Variants in GALNTL6 observed in about 807,000 individuals in gnomAD.
GALNTL6 encodes polypeptide N-acetylgalactosaminyltransferase like 6.
A neutral mutation model predicts 73.7 loss-of-function variants in GALNTL6; 46 were observed. The ratio of observed to expected loss-of-function variants is 0.62; its 90% CI spans 0.49 to 0.80. The LOEUF (loss-of-function observed/expected upper bound fraction) is 0.80, where lower values mean the gene tolerates loss of function less well. GALNTL6 is among the 30% of genes least tolerant of loss of function. GALNTL6 has a pLI of 0.00. For synonymous variants in GALNTL6, 259 were observed against 263.7 expected (o/e 0.98, Z 0.17); for missense variants, 604 against 755.0 (o/e 0.80, Z 2.34).
At chr4:172,609,603 C>T (rs933330050) in intron 5 of GALNTL6, among the ~76,000 whole-genome samples, 61 of 94,684 alleles carry the variant, frequency 6.4e-4, no homozygotes, top group African/African-American at 2.1e-3. Flanking sequence ...CTGAAGTTTT[C>T]TCTCTCTCTC....
At chr4:172,630,374 T>A (rs1739341856) in intron 5 of GALNTL6, among the ~76,000 whole-genome samples, 1 of 152,120 alleles carries the variant, frequency 6.6e-6, no homozygotes, top group African/African-American at 2.4e-5. Context: ...TTAATATACA[T>A]TTTATCTTTT....
intron 3 of GALNTL6, among the ~76,000 whole-genome samples, chr4:172,270,605 G>T (rs568188807): frequency 6.6e-6 from 1 of 152,080 alleles, no homozygotes; most frequent in African/African-American, 2.4e-5. Context: ...AAGCACTTTC[G>T]TAGACTCAGA....
chr4:172,258,085 T>C (rs1030680583), intron 3 of GALNTL6, among the ~76,000 whole-genome samples: 1 of 151,318 alleles, frequency 6.6e-6, no homozygotes, highest in Non-Finnish European at 1.5e-5. Context: ...TCATTTTAGC[T>C]CTGAATCAAT....
chr4:172,243,134 G>A (rs968077490), intron 3 of GALNTL6, among the ~76,000 whole-genome samples: 1 of 152,132 alleles, frequency 6.6e-6, no homozygotes, highest in Non-Finnish European at 1.5e-5. Flanking sequence ...GGCCACAATA[G>A]CCTCCTTGTT....
At chr4:172,830,839 G>T (rs1742585588) in intron 7 of GALNTL6, among the ~76,000 whole-genome samples, 1 of 152,092 alleles carries the variant, frequency 6.6e-6, no homozygotes, top group Admixed American at 6.5e-5. Context: ...AATGTCTGGG[G>T]CCTAAAGTAG....
chr4:172,381,270 A>G lies in GALNTL6; in HGVS notation c.553+32581A>G, dbSNP rs571573481. On this transcript the variant is annotated intron_variant, in intron 5 of 12. Coordinates refer to ENST00000506823, the MANE Select transcript of GALNTL6 (RefSeq NM_001034845.3). ...TTTTTGTAATGAAAGGCTTATTGGT[A>G]TATAATTCACCTAGCATGAAATTGA... Among the ~76,000 whole-genome samples the G allele has an allele frequency of 1.2e-4, 18 of 152,348 alleles. No homozygotes were observed. In the South Asian group the frequency reaches 2.1e-3, roughly 18 times the overall value.
rs1481794232 is a variant in GALNTL6 at position 173,026,008 on chromosome 4, C to T, written c.1638+4383C>T. Among the ~76,000 whole-genome samples, 11 of 152,178 alleles carry T rather than the reference C, an allele frequency of 7.2e-5. No homozygotes were observed. The East Asian group carries it at 1.9e-3, about 27-fold the overall frequency. On this transcript the variant is annotated intron_variant, in intron 12 of 12. Transcript: ENST00000506823. The stretch of plus-strand genomic sequence containing the variant: ...TAATATACCACATCATTAAAGCAAT[C>T]TCTCCTAGGCAATATTGACAGTTGT...
chr4:172,625,020 T>G (rs1181714103), intron 5 of GALNTL6, among the ~76,000 whole-genome samples: 2 of 151,992 alleles, frequency 1.3e-5, no homozygotes, highest in Admixed American at 1.3e-4. Flanking sequence ...TTTCGTTGAT[T>G]CTTTGTATGG....
At chr4:172,000,842 T>C (rs1015364234) in intron 2 of GALNTL6, among the ~76,000 whole-genome samples, 1 of 152,072 alleles carries the variant, frequency 6.6e-6, no homozygotes, top group South Asian at 2.1e-4. Flanking sequence ...TTGTGTAGCA[T>C]AGGTAGAGAA....
At chr4:172,113,841 A>G (rs1732920031) in intron 2 of GALNTL6, among the ~76,000 whole-genome samples, 1 of 152,052 alleles carries the variant, frequency 6.6e-6, no homozygotes, top group African/African-American at 2.4e-5. Flanking sequence ...CTGTGTGTTG[A>G]GCTTAACTTG....
chr4:172,354,147 G>T (rs1376125467), intron 5 of GALNTL6, among the ~76,000 whole-genome samples: 1 of 151,972 alleles, frequency 6.6e-6, no homozygotes, highest in Non-Finnish European at 1.5e-5. Context: ...TTTTAGTGCT[G>T]GTATTCCATC....
chr4:171,872,795 C>A (rs1277919949), intron 2 of GALNTL6, among the ~76,000 whole-genome samples: 1 of 152,064 alleles, frequency 6.6e-6, no homozygotes, highest in Non-Finnish European at 1.5e-5. Flanking sequence ...ACTTGAATAC[C>A]TTTGTAAAGG....
intron 7 of GALNTL6, among the ~76,000 whole-genome samples, chr4:172,826,202 G>T (rs1402293715): frequency 6.6e-6 from 1 of 152,128 alleles, no homozygotes; most frequent in Non-Finnish European, 1.5e-5. Context: ...TATAAACTGA[G>T]CTAGCAAACT....
chr4:171,863,694 G>A (rs75468545), intron 2 of GALNTL6, among the ~76,000 whole-genome samples: 4,828 of 151,986 alleles, frequency 0.032, 220 homozygotes, highest in African/African-American at 0.11. Flanking sequence ...GTCCTCCAGA[G>A]TGAAAACTCC....
In GALNTL6 at chr4:171,960,346, G is replaced by T. The variant is rs575658001; in HGVS notation, c.138+145628G>T. ...GGCTAGAGTGCAATGGCATGATCTC[G>T]GCTCACTGCAACCTCTGCCTCCCAG... On this transcript the variant is annotated intron_variant, in intron 2 of 12. Coordinates refer to ENST00000506823, the MANE Select transcript of GALNTL6 (RefSeq NM_001034845.3). Among the ~76,000 whole-genome samples, 28 of 151,960 alleles carry T rather than the reference G, an allele frequency of 1.8e-4. No homozygotes were observed. The South Asian group carries it at 5.8e-3, about 32-fold the overall frequency.
At chr4:172,449,822 C>G (rs922730306) in intron 5 of GALNTL6, among the ~76,000 whole-genome samples, 2 of 152,170 alleles carry the variant, frequency 1.3e-5, no homozygotes, top group African/African-American at 2.4e-5. Context: ...AATATTCTCC[C>G]ACATTTCAGG....
intron 8 of GALNTL6, among the ~76,000 whole-genome samples, chr4:172,924,215 C>G (rs1747932797): frequency 6.6e-6 from 1 of 152,166 alleles, no homozygotes; most frequent in African/African-American, 2.4e-5. Flanking sequence ...TCACAATGTC[C>G]TGTCCCTTTA....
intron 7 of GALNTL6, among the ~76,000 whole-genome samples, chr4:172,843,144 G>A (rs924749514): frequency 1.3e-5 from 2 of 152,072 alleles, no homozygotes; most frequent in Non-Finnish European, 2.9e-5. Flanking sequence ...ATCCCCTCAA[G>A]GGCACTTCAT....
At chr4:172,197,712 G>C (rs760276941) in intron 2 of GALNTL6, among the ~76,000 whole-genome samples, 2 of 152,122 alleles carry the variant, frequency 1.3e-5, no homozygotes, top group African/African-American at 4.8e-5. Flanking sequence ...TTATTAAATG[G>C]TTTTGGGAGA....
Sources: gnomAD v4.1 joint callset for allele counts (sites outside exome capture counted in the v4.1 genomes callset) on GRCh38, gnomAD v4.1.1 for gene constraint, MANE v1.5 for transcripts, NCBI Gene and HGNC (gene_info 2026-07-23, HGNC 2026-07-21) for gene names.